MGAT4B: variants seen among roughly 807,000 people sequenced by gnomAD.
The protein encoded by MGAT4B is N-acetylglucosaminyltransferase IVb.
Under a neutral mutation model 73.9 loss-of-function variants are expected in MGAT4B, and 38 were observed. The ratio of observed to expected loss-of-function variants is 0.51; its 90% CI spans 0.40 to 0.67. The LOEUF is 0.67. Among genes scored for constraint, MGAT4B ranks in the 30% least tolerant of loss-of-function variants. The probability of loss-of-function intolerance (pLI) is 0.00; values close to 1 mark genes in which losing one functional copy is unlikely to be tolerated. For missense variants in MGAT4B, 686 were observed against 735.2 expected, an observed-to-expected ratio of 0.93 and a Z score of 0.77; for synonymous variants, 373 against 313.5, an observed-to-expected ratio of 1.19 and a Z score of -2.01.
In MGAT4B at chr5:179,806,250, G is replaced by A. The variant is rs896784432; in HGVS notation, c.97+237C>T. ...GGGTCCCCAGCTCAGCGTCGGGACA[G>A]CTGCGCCCGCGGAGTCCGGTCCGGA... On this transcript the variant is annotated intron_variant, in intron 1 of 14. Transcript: ENST00000292591. This position sits in a 1 kb window ranked among gnomAD's most constrained non-coding sequence, Gnocchi z 4.6. 1 of 172,790 alleles carries A rather than the reference G, an allele frequency of 5.8e-6. No individual in the cohort carries two copies. The highest frequency in any genetic ancestry group is 2.4e-5 in the African/African-American group (1 of 41,798). 10.7% of individuals were successfully genotyped at this position (172,790 alleles called of 1,614,324 possible).
rs147021237 is a variant in MGAT4B at position 179,800,701 on chromosome 5, C to A, written c.606-104G>T. 2.2e-3 allele frequency: 2,321 copies of A among 1,073,330 alleles called. 39 individuals carry two copies. In the African/African-American group the frequency reaches 0.033, roughly 15 times the overall value. The allele number at this position is 1,073,330 out of a possible 1,614,324, so 66.5% of individuals were successfully genotyped here. A position where few individuals can be genotyped will look rare whatever the true frequency, so the allele number is the denominator to read the frequency against. ...CTTGAGGCTCACCCAGTGCCAGCCC[C>A]CCACCACCCCCTACACCCAGCCAAC... On this transcript the variant is annotated intron_variant, in intron 5 of 14. Transcript: ENST00000292591.
chr5:179,801,367 C>T lies in MGAT4B; in HGVS notation c.525G>A (p.Lys175=), dbSNP rs746137407. ...SLISELSPQE[K]EDSVIVVLIA... The stretch of plus-strand genomic sequence containing the variant: ...TCAGCACCACGATGACCGAGTCCTC[C>T]TTCTCCTGCGGGCTCAGCTCGGAGA... Residue 175 remains lysine, a synonymous_variant, in exon 4 of 15, where the codon AAG becomes AAA. Transcript: ENST00000292591. This position sits in a 1 kb window ranked among gnomAD's most constrained non-coding sequence, Gnocchi z 4.8. The T allele has an allele frequency of 1.2e-6, 2 of 1,612,620 alleles. No individual in the cohort carries two copies. Among genetic ancestry groups the T allele is most frequent in the East Asian group, 4.5e-5 (2 of 44,852 alleles).
chr5:179,805,925 G>T (rs1757131885), intron 1 of MGAT4B, among the ~76,000 whole-genome samples: 1 of 152,164 alleles, frequency 6.6e-6, no homozygotes, highest in South Asian at 2.1e-4. Flanking sequence ...CGGAGGACGG[G>T]CTGGGGCCGC....
Position 179,803,038 on chromosome 5 carries a change from T to C in MGAT4B, c.98-1069A>G, listed in dbSNP as rs1037404676. 36 of 985,476 alleles carry C rather than the reference T, an allele frequency of 3.7e-5. No individual in the cohort carries two copies. The African/African-American group carries it at 5.6e-4, about 15-fold the overall frequency. 61.0% of individuals were successfully genotyped at this position (985,476 alleles called of 1,614,324 possible). A position where few individuals can be genotyped will look rare whatever the true frequency, so the allele number is the denominator to read the frequency against. On this transcript the variant is annotated intron_variant, in intron 1 of 14. Transcript: ENST00000292591. ...CTCACCCCACCAGCAGCCCTGTGCA[T>C]GATCAAGGTCATGATCAGGCAAAGT...
At chr5:179,799,688 C>T (rs1339235546) in intron 8 of MGAT4B, 52 bp from the exon 9 acceptor site, 1 of 1,609,642 alleles carries the variant, frequency 6.2e-7, no homozygotes, top group African/African-American at 1.3e-5. Context: ...CTTCCTTTCT[C>T]CCTGCAGCGG....
chr5:179,798,605 G>A lies in MGAT4B; in HGVS notation c.1344-14C>T. The A allele has an allele frequency of 6.2e-7, 1 of 1,613,140 alleles. No homozygotes were observed. The highest frequency in any genetic ancestry group is 8.5e-7 in the Non-Finnish European group (1 of 1,179,918). Reference sequence around the variant, plus strand: ...CGGAAGAAGAACCTGCAGCCAGGCAGGCCTGTGAGCTGCTGCAGGGGCAGC... The same window carrying A: ...CGGAAGAAGAACCTGCAGCCAGGCAAGCCTGTGAGCTGCTGCAGGGGCAGC... On this transcript the variant is annotated splice_polypyrimidine_tract_variant and intron_variant, in intron 11 of 14. Transcript: ENST00000292591.
At chr5:179,798,857 G>C in intron 11 of MGAT4B, 71 bp downstream of exon 11, 3 of 1,539,614 alleles carry the variant, frequency 1.9e-6, no homozygotes, top group Non-Finnish European at 2.7e-6. Context: ...AGGATAACTT[G>C]CCGGTGAAGC....
intron 1 of MGAT4B, among the ~76,000 whole-genome samples, chr5:179,805,611 C>T (rs761587627): frequency 6.6e-6 from 1 of 152,238 alleles, no homozygotes. Context: ...GTTCCCTCGC[C>T]CTCCTCCGCA....
intron 1 of MGAT4B, chr5:179,803,166 T>G (rs1248798577): frequency 2.0e-6 from 2 of 985,400 alleles, no homozygotes; most frequent in African/African-American, 1.7e-5. Flanking sequence ...GGGAAAGGTT[T>G]AAGGAGCAGG....
chr5:179,806,403 C>T lies in MGAT4B; in HGVS notation c.97+84G>A, dbSNP rs1757157841. On this transcript the variant is annotated intron_variant, in intron 1 of 14. Transcript: ENST00000292591. This position sits in a 1 kb window ranked among gnomAD's most constrained non-coding sequence, Gnocchi z 4.6. ...AGGGGCGCCTGCGTCGGCTTCCGGC[C>T]GCCTTCCGCGGCCACCGCCGGGCCC... 5 of 869,160 alleles carry T rather than the reference C, an allele frequency of 5.8e-6. No homozygotes were observed. Among genetic ancestry groups the T allele is most frequent in the Non-Finnish European group, 7.2e-6 (5 of 698,556 alleles). The allele number at this position is 869,160 out of a possible 1,614,324, so 53.8% of individuals were successfully genotyped here. A position where few individuals can be genotyped will look rare whatever the true frequency, so the allele number is the denominator to read the frequency against.
rs531082894 is a variant in MGAT4B, at chr5:179,801,011, G to A, written c.559-58C>T. The A allele has an allele frequency of 4.3e-5, 68 of 1,592,758 alleles. 1 individual carries two copies. In the East Asian group the frequency reaches 1.5e-3, roughly 35 times the overall value. ...TGCTGCTGCCCCAAAAGGCCTGGAA[G>A]GGCTTGGAGAAGGGGCACAGGCTTC... On this transcript the variant is annotated intron_variant, in intron 4 of 14. Transcript: ENST00000292591. The surrounding 1 kb of genome is among the most constrained non-coding windows in gnomAD (Gnocchi z 4.8).
intron 1 of MGAT4B, among the ~76,000 whole-genome samples, chr5:179,804,382 CGGA>C (rs1757057369): frequency 1.3e-5 from 2 of 152,192 alleles, no homozygotes; most frequent in Non-Finnish European, 2.9e-5. Context: ...CCTGGGGAGG[CGGA>C]CAGCCTGAAG....
In MGAT4B at chr5:179,799,198, C is replaced by T; in HGVS notation, c.1149+5G>A. 1 of 1,613,970 alleles carries T rather than the reference C, an allele frequency of 6.2e-7. No homozygotes were observed. The highest frequency in any genetic ancestry group is 1.3e-5 in the African/African-American group (1 of 75,060). On this transcript the variant is annotated splice_donor_5th_base_variant and intron_variant, in intron 10 of 14. Coordinates refer to ENST00000292591, the MANE Select transcript of MGAT4B (RefSeq NM_014275.5). ...GGCCTAGGGAGAGCGTGCAGTGCAG[C>T]CCACCTTCAGTTTCTGGATCTTGCC...
At chr5:179,805,206 G>A (rs1193409152) in intron 1 of MGAT4B, 2 of 152,300 alleles carry the variant, frequency 1.3e-5, no homozygotes, top group Non-Finnish European at 2.9e-5. Context: ...ACTGGCTCAG[G>A]ACAAAGGGCA....
Position 179,801,288 on chromosome 5 carries a change from G to T in MGAT4B, c.558+46C>A. On this transcript the variant is annotated intron_variant, in intron 4 of 14. Coordinates refer to ENST00000292591, the MANE Select transcript of MGAT4B (RefSeq NM_014275.5). This position sits in a 1 kb window ranked among gnomAD's most constrained non-coding sequence, Gnocchi z 4.8. ...TTCCTGCTGTCAGTTCTGCACCGCG[G>T]GGGCTCCTCTGAATGTCCCCCAACC... The T allele has an allele frequency of 6.3e-7, 1 of 1,575,946 alleles. No homozygotes were observed.
chr5:179,801,205 G>A lies in MGAT4B; in HGVS notation c.558+129C>T, dbSNP rs1044216883. On this transcript the variant is annotated intron_variant, in intron 4 of 14. Transcript: ENST00000292591. This position sits in a 1 kb window ranked among gnomAD's most constrained non-coding sequence, Gnocchi z 4.8. ...GAAAGCCCTTTCAACTTTCTATCTCGGAGCATTTGCGAATGAAACTAGCAA... is the reference window on the plus strand; with the variant it reads ...GAAAGCCCTTTCAACTTTCTATCTCAGAGCATTTGCGAATGAAACTAGCAA... The A allele has an allele frequency of 1.6e-4, 215 of 1,355,708 alleles. 1 individual carries two copies. The Middle Eastern group carries it at 3.4e-3, about 21-fold the overall frequency. 84.0% of individuals were successfully genotyped at this position (1,355,708 alleles called of 1,614,324 possible). A position where few individuals can be genotyped will look rare whatever the true frequency, so the allele number is the denominator to read the frequency against.
chr5:179,800,495 C>T lies in MGAT4B; in HGVS notation c.708G>A (p.Lys236=), dbSNP rs781023341. The change falls in exon 6 of 15, where the codon AAG becomes AAA. Residue 236 remains lysine (K), a synonymous_variant. Coordinates refer to ENST00000292591, the MANE Select transcript of MGAT4B (RefSeq NM_014275.5). ...SRLRESFGDP[K]ERVRWRTKQN... ...GGAGTAACTAGTACCTGACTCTCTC[C>T]TTGGGGTCCCCAAAGGACTCTCGGA... 2 of 1,606,670 alleles carry T rather than the reference C, an allele frequency of 1.2e-6. No individual in the cohort carries two copies. The highest frequency in any genetic ancestry group is 4.5e-5 in the East Asian group (2 of 44,740).
intron 1 of MGAT4B, chr5:179,803,043 A>G (rs1757013113): frequency 4.1e-6 from 4 of 985,328 alleles, no homozygotes; most frequent in African/African-American, 1.7e-5. Context: ...GTGCATGATC[A>G]AGGTCATGAT....
In MGAT4B at chr5:179,800,545, G is replaced by T. The variant is rs148327471; in HGVS notation, c.658C>A (p.His220Asn). Residue 220 changes from histidine (H) to asparagine (N), a missense_variant, in exon 6 of 15, where the codon CAC (histidine) becomes AAC (asparagine). By Grantham distance (68) the His-to-Asn change is moderately conservative (BLOSUM62 1). This residue lies in a region of MGAT4B where 449 missense variants were observed against 536.8 expected (regional missense o/e 0.84). Transcript: ENST00000292591. ...GLLEVISPSPHFYPDFSRLRE... is the reference protein window; with the variant it reads ...GLLEVISPSPNFYPDFSRLRE... Reference sequence around the variant, plus strand: ...AGGCGGGAGAAGTCAGGGTAGAAGTGGGGGGAGGGTGAGATGACCTCCAGG... The same window carrying T: ...AGGCGGGAGAAGTCAGGGTAGAAGTTGGGGGAGGGTGAGATGACCTCCAGG... 1.2e-3 allele frequency: 1,904 copies of T among 1,611,952 alleles called. 18 individuals are homozygous for T. The highest frequency in any genetic ancestry group is 4.4e-3 in the South Asian group (396 of 90,898).
Sources: gnomAD v4.1 joint callset for allele counts (sites outside exome capture counted in the v4.1 genomes callset) on GRCh38, gnomAD v4.1.1 for gene constraint, gnomAD v4.1.1 regional missense constraint, Gnocchi (gnomAD v3.1) non-coding constraint, MANE v1.5 for transcripts, NCBI Gene and HGNC (gene_info 2026-07-23, HGNC 2026-07-21) for gene names.